The following CHRM3 variants were observed in gnomAD, a reference collection of about 807,000 sequenced individuals.
The protein encoded by CHRM3 is cholinergic receptor muscarinic 3.
A neutral mutation model predicts 41.8 loss-of-function variants in CHRM3; 11 were observed. The observed-to-expected ratio is 0.26, with a 90% CI of 0.17 to 0.44. The LOEUF (loss-of-function observed/expected upper bound fraction) is 0.44. CHRM3 is among the 20% of genes least tolerant of loss of function. The pLI is 1.00. For synonymous variants in CHRM3, 297 were observed against 301.4 expected, an observed-to-expected ratio of 0.99 and a Z score of 0.15; for missense variants, 571 against 745.4, an observed-to-expected ratio of 0.77 and a Z score of 2.72.
chr1:239,418,873 G>A (rs1661712253), intron 1 of CHRM3, among the ~76,000 whole-genome samples: 1 of 152,204 alleles, frequency 6.6e-6, no homozygotes, highest in Admixed American at 6.5e-5. Flanking sequence ...AGCAGCAGAT[G>A]GCAAGCCATT....
At position 239,793,803 on chromosome 1, in the gene CHRM3, A is replaced by ATTTTTTTTTTTTTTTTTTTTTTTTTTT. The variant is rs67460907; in HGVS notation, c.-146-33424_-146-33423insTTTTTTTTTTTTTTTTTTTTTTTTTTT. Among the ~76,000 whole-genome samples, 7 of 69,494 alleles carry ATTTTTTTTTTTTTTTTTTTTTTTTTTT rather than the reference A, an allele frequency of 1.0e-4. 1 individual carries two copies. Among genetic ancestry groups the ATTTTTTTTTTTTTTTTTTTTTTTTTTT allele is most frequent in the African/African-American group, 4.3e-4 (7 of 16,148 alleles). The allele number at this position is 69,494 out of a possible 152,430, so 45.6% of individuals were successfully genotyped here. A position where few individuals can be genotyped will look rare whatever the true frequency, so the allele number is the denominator to read the frequency against. Reference sequence around the variant, plus strand: ...TGAACTTGTCAGAAATGAAATGTGTATTTTTTTTTTTTTTTTTTTTTTTTT... The same window carrying ATTTTTTTTTTTTTTTTTTTTTTTTTTT: ...TGAACTTGTCAGAAATGAAATGTGTATTTTTTTTTTTTTTTTTTTTTTTTTTTTTTTTTTTTTTTTTTTTTTTTTTTT... On this transcript the variant is annotated intron_variant, in intron 5 of 6. Coordinates refer to ENST00000676153, the MANE Select transcript of CHRM3 (RefSeq NM_001375978.1).
At chr1:239,467,063 G>A (rs989961433) in intron 1 of CHRM3, among the ~76,000 whole-genome samples, 1 of 151,912 alleles carries the variant, frequency 6.6e-6, no homozygotes, top group East Asian at 1.9e-4. Context: ...CTTTAAACAG[G>A]TTATTAAATA....
intron 1 of CHRM3, among the ~76,000 whole-genome samples, chr1:239,438,365 G>A (rs1183884930): frequency 6.6e-6 from 1 of 152,096 alleles, no homozygotes; most frequent in East Asian, 1.9e-4. Flanking sequence ...CCCACATCCA[G>A]CTGAAAGTGG....
intron 3 of CHRM3, among the ~76,000 whole-genome samples, chr1:239,629,717 G>A (rs1669582863): frequency 6.6e-6 from 1 of 152,170 alleles, no homozygotes; most frequent in African/African-American, 2.4e-5. Context: ...ACTTTAAAAA[G>A]TTAGCAAAAT....
intron 5 of CHRM3, among the ~76,000 whole-genome samples, chr1:239,711,226 C>T (rs1469648692): frequency 1.3e-5 from 2 of 152,088 alleles, no homozygotes; most frequent in Non-Finnish European, 2.9e-5. Flanking sequence ...GTGTCTGTAA[C>T]CCCAATAACA....
intron 1 of CHRM3, among the ~76,000 whole-genome samples, chr1:239,471,734 G>A (rs1666134520): frequency 6.6e-6 from 1 of 152,184 alleles, no homozygotes; most frequent in South Asian, 2.1e-4. Context: ...AAGGCTCTGG[G>A]CCTAGGAATA....
intron 6 of CHRM3, among the ~76,000 whole-genome samples, chr1:239,901,072 C>T (rs1449022410): frequency 6.6e-6 from 1 of 152,182 alleles, no homozygotes; most frequent in Non-Finnish European, 1.5e-5. Flanking sequence ...TTCAGGTCAT[C>T]GGTGCTTCTG....
intron 6 of CHRM3, among the ~76,000 whole-genome samples, chr1:239,878,693 G>A (rs1375597507): frequency 2.6e-5 from 4 of 151,944 alleles, no homozygotes; most frequent in African/African-American, 4.8e-5. Context: ...TCTGGGCCAG[G>A]TAGCTTGTCG....
At chr1:239,650,565 G>A (rs192482139) in intron 4 of CHRM3, among the ~76,000 whole-genome samples, 213 of 152,256 alleles carry the variant, frequency 1.4e-3, no homozygotes, top group South Asian at 4.1e-3. Context: ...TGTGTGATTT[G>A]GAGACAAAGT....
chr1:239,720,701 C>T (rs972549926), intron 5 of CHRM3, among the ~76,000 whole-genome samples: 3 of 151,746 alleles, frequency 2.0e-5, no homozygotes, highest in Non-Finnish European at 4.4e-5. Flanking sequence ...ATAAAATGCA[C>T]GAATAAGCAT....
At chr1:239,482,788 GA>G in intron 1 of CHRM3, among the ~76,000 whole-genome samples, 1 of 152,160 alleles carries the variant, frequency 6.6e-6, no homozygotes. Flanking sequence ...TTAGTGGCTA[GA>G]AATTAGTAGA....
chr1:239,507,124 T>C (rs1668624980), intron 2 of CHRM3, among the ~76,000 whole-genome samples: 1 of 152,188 alleles, frequency 6.6e-6, no homozygotes, highest in African/African-American at 2.4e-5. Context: ...GAGTTAATGA[T>C]GAAATGAGTT....
intron 3 of CHRM3, among the ~76,000 whole-genome samples, chr1:239,575,223 C>T (rs1662219711): frequency 6.6e-6 from 1 of 152,038 alleles, no homozygotes; most frequent in Non-Finnish European, 1.5e-5. Flanking sequence ...AAATAAGAAC[C>T]TCTACGTATT....
At chr1:239,430,688 T>C (rs60759756) in intron 1 of CHRM3, among the ~76,000 whole-genome samples, 3,032 of 118,220 alleles carry the variant, frequency 0.026, 80 homozygotes, top group African/African-American at 0.087. Flanking sequence ...TATATATATA[T>C]ACACACACAC....
At chr1:239,564,038 G>T (rs901338089) in intron 3 of CHRM3, among the ~76,000 whole-genome samples, 53 of 152,250 alleles carry the variant, frequency 3.5e-4, no homozygotes, top group African/African-American at 1.2e-3. Flanking sequence ...ATGTTTCCGA[G>T]ATTCTTTAAT....
chr1:239,872,921 A>G (rs903047500), intron 6 of CHRM3, among the ~76,000 whole-genome samples: 1 of 151,796 alleles, frequency 6.6e-6, no homozygotes, highest in African/African-American at 2.4e-5. Flanking sequence ...GTTTGGCAGA[A>G]CAGCCCTCCA....
chr1:239,638,490 G>A (rs1357265301), intron 4 of CHRM3, among the ~76,000 whole-genome samples: 2 of 152,132 alleles, frequency 1.3e-5, no homozygotes, highest in African/African-American at 4.8e-5. Flanking sequence ...TTGTGGTTTT[G>A]ATTTGCATTT....
chr1:239,730,604 G>C (rs1414875116), intron 5 of CHRM3: 1 of 152,026 alleles, frequency 6.6e-6, no homozygotes, highest in East Asian at 1.9e-4. Context: ...AGTCTGTACA[G>C]AGAAACTGAT....
intron 3 of CHRM3, among the ~76,000 whole-genome samples, chr1:239,614,660 G>GT (rs1298095282): frequency 3.3e-5 from 5 of 152,120 alleles, no homozygotes; most frequent in Admixed American, 2.0e-4. Flanking sequence ...AAAAATGGAC[G>GT]TAAGTTCCTA....
Sources: gnomAD v4.1 joint callset for allele counts (sites outside exome capture counted in the v4.1 genomes callset) on GRCh38, gnomAD v4.1.1 for gene constraint, MANE v1.5 for transcripts, NCBI Gene and HGNC (gene_info 2026-07-23, HGNC 2026-07-21) for gene names.